The following NEGR1 variants were observed in gnomAD, a reference collection of about 807,000 sequenced individuals.
NEGR1 encodes the protein IgLON family member 4.
Under a neutral mutation model 40.9 loss-of-function variants are expected in NEGR1, and 10 were observed. The ratio of observed to expected loss-of-function variants is 0.24; its 90% CI spans 0.15 to 0.42. The LOEUF (loss-of-function observed/expected upper bound fraction) is 0.42, where lower values mean the gene tolerates loss of function less well. NEGR1 is among the 10% of genes least tolerant of loss of function. The pLI, the probability that NEGR1 is intolerant of heterozygous loss-of-function variation, is 1.00. For missense variants in NEGR1, 352 were observed against 438.9 expected (o/e 0.80, Z 1.77); for synonymous variants, 185 against 166.8 (o/e 1.11, Z -0.84).
chr1:71,682,936 C>A (rs1652889230), intron 4 of NEGR1, among the ~76,000 whole-genome samples: 1 of 152,138 alleles, frequency 6.6e-6, no homozygotes, highest in African/African-American at 2.4e-5. Flanking sequence ...TGAGTGAAAG[C>A]AATCTGAGGC....
At chr1:72,008,941 C>T (rs1168291094) in intron 1 of NEGR1, among the ~76,000 whole-genome samples, 1 of 150,738 alleles carries the variant, frequency 6.6e-6, no homozygotes, top group Non-Finnish European at 1.5e-5. Context: ...AAATCTGGTT[C>T]TAGTCCATAC....
At chr1:71,934,396 A>G (rs1645884568) in intron 2 of NEGR1, among the ~76,000 whole-genome samples, 1 of 152,234 alleles carries the variant, frequency 6.6e-6, no homozygotes, top group Admixed American at 6.5e-5. Flanking sequence ...TTCATGATCT[A>G]CTGAAAGTAA....
Position 71,631,173 on chromosome 1 carries a change from T to A in NEGR1, c.668-20027A>T, listed in dbSNP as rs534158066. ...CTGTTTTGCTTTTTGCCAATTTTTA[T>A]CAAATTTATTTTGTTTCCACAGCTA... On this transcript the variant is annotated intron_variant, in intron 4 of 6. Coordinates refer to ENST00000357731, the MANE Select transcript of NEGR1 (RefSeq NM_173808.3). Among the ~76,000 whole-genome samples the A allele has an allele frequency of 4.6e-5, 7 of 152,012 alleles. 1 individual carries two copies. The South Asian group carries it at 1.4e-3, about 31-fold the overall frequency.
At chr1:71,926,473 C>G (rs1645774150) in intron 2 of NEGR1, among the ~76,000 whole-genome samples, 3 of 151,912 alleles carry the variant, frequency 2.0e-5, no homozygotes, top group African/African-American at 7.2e-5. Flanking sequence ...TGAGTAGATC[C>G]AAGACACTGA....
At chr1:71,430,439 A>C (rs1308472256) in intron 6 of NEGR1, among the ~76,000 whole-genome samples, 1 of 152,038 alleles carries the variant, frequency 6.6e-6, no homozygotes, top group African/African-American at 2.4e-5. Flanking sequence ...CTTTTATGTA[A>C]AATTAAAATT....
At chr1:71,430,612 C>T (rs1225774663) in intron 6 of NEGR1, among the ~76,000 whole-genome samples, 2 of 148,680 alleles carry the variant, frequency 1.3e-5, no homozygotes, top group African/African-American at 5.0e-5. Context: ...GTATAATTCA[C>T]ATTTTACTAC....
At chr1:71,962,859 C>T (rs1051572907) in intron 1 of NEGR1, among the ~76,000 whole-genome samples, 1 of 151,224 alleles carries the variant, frequency 6.6e-6, no homozygotes, top group African/African-American at 2.4e-5. Context: ...TGTTCTCAAC[C>T]CTGAATGGAC....
In NEGR1 at chr1:72,181,115, TA is replaced by T. The variant is rs1390418771; in HGVS notation, c.176+101203del. Reference sequence around the variant, plus strand: ...CACTAGAACCATAGGCATTGGCCTTTAAGGTTTTAGAATGACTGATATTTTA... The same window carrying T: ...CACTAGAACCATAGGCATTGGCCTTTAGGTTTTAGAATGACTGATATTTTA... On this transcript the variant is annotated intron_variant, in intron 1 of 6. Coordinates refer to ENST00000357731, the MANE Select transcript of NEGR1 (RefSeq NM_173808.3). Among the ~76,000 whole-genome samples the T allele has an allele frequency of 2.6e-5, 4 of 152,256 alleles. No individual in the cohort carries two copies. In the East Asian group the frequency reaches 7.7e-4, roughly 29 times the overall value.
intron 1 of NEGR1, among the ~76,000 whole-genome samples, chr1:72,060,011 G>A (rs1647151570): frequency 6.6e-6 from 1 of 151,574 alleles, no homozygotes; most frequent in African/African-American, 2.4e-5. Flanking sequence ...TGGAAACTCA[G>A]GTTTTAAAGA....
At chr1:72,126,091 ATGTG>A (rs67552146) in intron 1 of NEGR1, among the ~76,000 whole-genome samples, 19,261 of 146,506 alleles carry the variant, frequency 0.13, 1,412 homozygotes, top group African/African-American at 0.18. Flanking sequence ...AGAGAAAAGT[ATGTG>A]TGTGTGTGTG....
chr1:72,248,915 G>T (rs1436971726), intron 1 of NEGR1, among the ~76,000 whole-genome samples: 1 of 152,054 alleles, frequency 6.6e-6, no homozygotes. Flanking sequence ...ATGCATTATT[G>T]TATTCTATAA....
chr1:71,792,785 T>G (rs1657164222), intron 2 of NEGR1, among the ~76,000 whole-genome samples: 1 of 152,140 alleles, frequency 6.6e-6, no homozygotes, highest in Non-Finnish European at 1.5e-5. Context: ...CTAAGCTGTA[T>G]GCTTGTTACT....
At chr1:72,210,325 G>A (rs906678267) in intron 1 of NEGR1, among the ~76,000 whole-genome samples, 1 of 151,756 alleles carries the variant, frequency 6.6e-6, no homozygotes, top group African/African-American at 2.4e-5. Flanking sequence ...TGAAAGCCTT[G>A]AGTACACATA....
At chr1:71,674,288 T>C (rs952985673) in intron 4 of NEGR1, among the ~76,000 whole-genome samples, 6 of 152,152 alleles carry the variant, frequency 3.9e-5, no homozygotes, top group African/African-American at 1.4e-4. Flanking sequence ...GAATGAGTCA[T>C]GTAATTTGTC....
intron 5 of NEGR1, among the ~76,000 whole-genome samples, chr1:71,597,434 C>A (rs202136833): frequency 1.3e-3 from 31 of 24,686 alleles, no homozygotes; most frequent in Middle Eastern, 0.029. Context: ...ATATATATGT[C>A]TCTCTCTCTC....
At chr1:71,896,655 T>G (rs11209865) in intron 2 of NEGR1, among the ~76,000 whole-genome samples, 29,907 of 152,168 alleles carry the variant, frequency 0.2, 3,682 homozygotes, top group East Asian at 0.49. Context: ...TATGTTTTCT[T>G]GTAACAGTTT....
At chr1:72,184,187 T>C (rs1652522807) in intron 1 of NEGR1, among the ~76,000 whole-genome samples, 1 of 152,096 alleles carries the variant, frequency 6.6e-6, no homozygotes, top group African/African-American at 2.4e-5. Context: ...CAGAGTTTTA[T>C]ATGCCATATG....
At chr1:71,959,183 A>C (rs1646142965) in intron 1 of NEGR1, among the ~76,000 whole-genome samples, 1 of 152,160 alleles carries the variant, frequency 6.6e-6, no homozygotes, top group Non-Finnish European at 1.5e-5. Flanking sequence ...CACTTATGAC[A>C]TGATGATTCT....
intron 6 of NEGR1, among the ~76,000 whole-genome samples, chr1:71,410,124 T>C (rs1249590463): frequency 6.6e-6 from 1 of 152,138 alleles, no homozygotes; most frequent in East Asian, 1.9e-4. Context: ...GCATACGTCT[T>C]TTCACTGATG....
Sources: allele counts gnomAD v4.1 joint callset (sites outside exome capture counted in the v4.1 genomes callset), GRCh38; gene constraint gnomAD v4.1.1; transcripts MANE v1.5; gene names NCBI Gene and HGNC (gene_info 2026-07-23, HGNC 2026-07-21).